NCOR1: variants seen among roughly 807,000 people sequenced by gnomAD.
NCOR1 encodes the protein protein phosphatase 1, regulatory subunit 109.
Under a neutral mutation model 288.1 loss-of-function variants are expected in NCOR1, and 63 were observed. That is an observed-to-expected ratio of 0.22 (90% CI 0.18 to 0.27). The LOEUF (loss-of-function observed/expected upper bound fraction) is 0.27, where lower values mean the gene tolerates loss of function less well. Among genes scored for constraint, NCOR1 ranks in the 10% least tolerant of loss-of-function variants. NCOR1 has a pLI of 1.00. For missense variants in NCOR1, 2,397 were observed against 3,019.2 expected (o/e 0.79, Z 4.83); for synonymous variants, 1,007 against 1,065.9 (o/e 0.94, Z 1.08).
chr17:16,032,104 TTTTG>T lies in NCOR1; in HGVS notation c.*188_*191del, dbSNP rs1480231222. The T allele has an allele frequency of 1.2e-5, 7 of 572,496 alleles. No homozygotes were observed. Among genetic ancestry groups the T allele is most frequent in the Admixed American group, 3.9e-5 (1 of 25,348 alleles). The allele number at this position is 572,496 out of a possible 1,614,324, so 35.5% of individuals were successfully genotyped here. A position where few individuals can be genotyped will look rare whatever the true frequency, so the allele number is the denominator to read the frequency against. ...TGAATTGCCTGTATCAAAGGCAGTT[TTTTG>T]TTTGTTTTTTTCCCATTTGACTCTC... On this transcript the variant is annotated 3_prime_UTR_variant, in exon 46 of 46. Coordinates refer to ENST00000268712, the MANE Select transcript of NCOR1 (RefSeq NM_006311.4).
chr17:16,101,192 T>A, intron 20 of NCOR1, 58 bp downstream of exon 20: 4 of 1,508,426 alleles, frequency 2.7e-6, no homozygotes, highest in Non-Finnish European at 3.5e-6. Flanking sequence ...CACCACCCTG[T>A]GATTCAGTCA....
At chr17:16,051,865 C>A (rs931671961) in intron 40 of NCOR1, among the ~76,000 whole-genome samples, 2 of 151,974 alleles carry the variant, frequency 1.3e-5, no homozygotes, top group African/African-American at 4.8e-5. Flanking sequence ...GAGCTGAGAT[C>A]GCGCCATTGC....
At chr17:16,038,012 C>G (rs1487664475) in intron 44 of NCOR1, among the ~76,000 whole-genome samples, 1 of 151,878 alleles carries the variant, frequency 6.6e-6, no homozygotes, top group Non-Finnish European at 1.5e-5. Flanking sequence ...ACACTTAAAG[C>G]CAATAAAAAT....
intron 3 of NCOR1, 135 bp downstream of exon 3, chr17:16,186,419 A>C: frequency 1.1e-6 from 1 of 936,796 alleles, no homozygotes; most frequent in Non-Finnish European, 1.5e-6. Context: ...CCAACCAACA[A>C]AAAAGAACTC....
At chr17:16,204,904 G>A (rs1464604369) in intron 1 of NCOR1, among the ~76,000 whole-genome samples, 1 of 152,210 alleles carries the variant, frequency 6.6e-6, no homozygotes, top group Non-Finnish European at 1.5e-5. Flanking sequence ...GAATAGCTAG[G>A]GGGATATGTG....
intron 3 of NCOR1, among the ~76,000 whole-genome samples, chr17:16,176,780 T>TTTGTTTCCTGA (rs1339015350): frequency 2.0e-5 from 3 of 152,062 alleles, no homozygotes; most frequent in African/African-American, 4.8e-5. Flanking sequence ...GAGCATTTAT[T>TTTGTTTCCTGA]TTGTTTCCTG....
chr17:16,034,762 T>A lies in NCOR1; in HGVS notation c.7135+3A>T. Reference sequence around the variant, plus strand: ...ATTTTCTAAGTTAAAGCAGAATCCTTACCTGTTGAAGAGGGCCTGTCTTCC... The same window carrying A: ...ATTTTCTAAGTTAAAGCAGAATCCTAACCTGTTGAAGAGGGCCTGTCTTCC... On this transcript the variant is annotated splice_donor_region_variant and intron_variant, in intron 45 of 45. Coordinates refer to ENST00000268712, the MANE Select transcript of NCOR1 (RefSeq NM_006311.4). 1.2e-6 allele frequency: 2 copies of A among 1,609,188 alleles called. No individual in the cohort carries two copies. Among genetic ancestry groups the A allele is most frequent in the South Asian group, 2.2e-5 (2 of 90,512 alleles).
rs534374751 is a variant in NCOR1 at position 16,083,012 on chromosome 17, T to C, written c.3178-2285A>G. ...CATGTCCATGTTCACCAATTCACTA[T>C]TCAGTATTCCTGTATCAAGACCATC... On this transcript the variant is annotated intron_variant, in intron 23 of 45. Transcript: ENST00000268712. Among the ~76,000 whole-genome samples, 3 of 152,164 alleles carry C rather than the reference T, an allele frequency of 2.0e-5. No homozygotes were observed. The South Asian group carries it at 6.2e-4, about 32-fold the overall frequency.
chr17:16,073,178 T>C (rs1034617274), intron 28 of NCOR1, among the ~76,000 whole-genome samples: 1 of 152,256 alleles, frequency 6.6e-6, no homozygotes, highest in African/African-American at 2.4e-5. Flanking sequence ...AACATTCTAA[T>C]AGTAACCTAT....
rs144347379 is a variant in NCOR1, at chr17:16,166,689, GAA to G, written c.436-1530_436-1529del. ...AGCAAGACTCCATCTCAAAAAAAAA[GAA>G]AAAAAAATCAGATTTGGTGTATAAC... On this transcript the variant is annotated intron_variant, in intron 4 of 45. Transcript: ENST00000268712. Among the ~76,000 whole-genome samples, 10 of 148,006 alleles carry G rather than the reference GAA, an allele frequency of 6.8e-5. 1 individual carries two copies. The highest frequency in any genetic ancestry group is 6.0e-5 in the Non-Finnish European group (4 of 66,778).
In NCOR1 at chr17:16,062,164, T is replaced by C. The variant is rs931789845; in HGVS notation, c.5328A>G (p.Gln1776=). The C allele has an allele frequency of 1.9e-6, 3 of 1,614,112 alleles. No individual in the cohort carries two copies. The highest frequency in any genetic ancestry group is 1.6e-4 in the Middle Eastern group (1 of 6,062). Residue 1776 remains glutamine (Q), a synonymous_variant, in exon 36 of 46, where the codon CAA becomes CAG. Transcript: ENST00000268712. The part of the protein sequence containing the change: ...TMLQQRPSVF[Q]GTNGTSVITP... ...TGATTACACTGGTTCCATTGGTTCC[T>C]TGGAAAACACTGGGTCTCTGTTGCA...
intron 3 of NCOR1, among the ~76,000 whole-genome samples, chr17:16,185,343 G>T (rs1160028451): frequency 6.6e-6 from 1 of 151,850 alleles, no homozygotes; most frequent in South Asian, 2.1e-4. Context: ...TTATCTATAC[G>T]TATCCCATAA....
At chr17:16,041,694 C>A (rs1172552762) in intron 42 of NCOR1, among the ~76,000 whole-genome samples, 3 of 151,796 alleles carry the variant, frequency 2.0e-5, no homozygotes, top group Non-Finnish European at 2.9e-5. Context: ...GGATTACAGG[C>A]ATGGGCCACT....
At chr17:16,095,976 G>A (rs1391228181) in intron 21 of NCOR1, among the ~76,000 whole-genome samples, 2 of 152,128 alleles carry the variant, frequency 1.3e-5, no homozygotes, top group Non-Finnish European at 1.5e-5. Flanking sequence ...ATTTTGTTCT[G>A]TACTAAGAAA....
chr17:16,149,464 G>A lies in NCOR1; in HGVS notation c.896C>T (p.Ala299Val). The change falls in exon 9 of 46, where the codon GCA becomes GTA. Residue 299 changes from alanine to valine, a missense_variant. By Grantham distance (64) the Ala-to-Val change is moderately conservative (BLOSUM62 0). Around this residue, in one of 11 missense-constraint regions of NCOR1, gnomAD observed 51 missense variants for 127.6 expected, o/e 0.40. Transcript: ENST00000268712. ...LILFFKRRNH[A>V]RKQREQKICQ... ...ATAGGACCTCACCCTTTGTTTTCTTGCATGATTTCTTCTTTTAAAAAATAA... is the reference window on the plus strand; with the variant it reads ...ATAGGACCTCACCCTTTGTTTTCTTACATGATTTCTTCTTTTAAAAAATAA... 6.4e-7 allele frequency: 1 copy of A among 1,561,926 alleles called. No individual in the cohort carries two copies. The highest frequency in any genetic ancestry group is 1.2e-5 in the South Asian group (1 of 85,750).
At chr17:16,109,352 G>A (rs1054241854) in intron 18 of NCOR1, among the ~76,000 whole-genome samples, 8 of 151,684 alleles carry the variant, frequency 5.3e-5, no homozygotes, top group East Asian at 1.9e-4. Flanking sequence ...TAAATATACC[G>A]GTACATTTCC....
intron 1 of NCOR1, among the ~76,000 whole-genome samples, chr17:16,196,037 T>A (rs2089711028): frequency 6.6e-6 from 1 of 151,120 alleles, no homozygotes. Context: ...CGTGCATGTG[T>A]GTGCATACTC....
intron 21 of NCOR1, 97 bp from the exon 22 acceptor site, chr17:16,092,155 GTTGAA>G (rs2065273490): frequency 2.2e-6 from 3 of 1,388,238 alleles, no homozygotes; most frequent in African/African-American, 2.8e-5. Context: ...CATGTTATTG[GTTGAA>G]TTGATTTTAT....
In NCOR1 at chr17:16,117,933, T is replaced by C. The variant is rs1489863472; in HGVS notation, c.2010A>G (p.Lys670=). ...AGAGGTTGTCAAGATTGTGTCGCCT[T>C]TTATAGTTAAAATAGAAGTTTTTAC... The part of the protein sequence containing the change: ...AQCKNFYFNY[K]RRHNLDNLLQ... The change falls in exon 18 of 46, where the codon AAA becomes AAG. Residue 670 remains lysine (K), a synonymous_variant. Transcript: ENST00000268712. The C allele has an allele frequency of 6.2e-7, 1 of 1,614,088 alleles. No homozygotes were observed.
Sources: gnomAD v4.1 joint callset for allele counts (sites outside exome capture counted in the v4.1 genomes callset) on GRCh38, gnomAD v4.1.1 for gene constraint, gnomAD v4.1.1 regional missense constraint, MANE v1.5 for transcripts, NCBI Gene and HGNC (gene_info 2026-07-23, HGNC 2026-07-21) for gene names.